AIFM1: variants seen among roughly 807,000 people sequenced by gnomAD.
AIFM1 encodes apoptosis-inducing factor 1, mitochondrial.
A neutral mutation model predicts 51.7 loss-of-function variants in AIFM1; 3 were observed. That is an observed-to-expected ratio of 0.06 (90% CI 0.03 to 0.15). The LOEUF is 0.15. AIFM1 is among the 10% of genes least tolerant of loss of function. The pLI, the probability that AIFM1 is intolerant of heterozygous loss-of-function variation, is 1.00. For missense variants in AIFM1, 330 were observed against 476.8 expected, an observed-to-expected ratio of 0.69 and a Z score of 2.87; for synonymous variants, 178 against 179.4, an observed-to-expected ratio of 0.99 and a Z score of 0.06.
At chrX:130,133,502 A>AT in intron 12 of AIFM1, 47 bp from the exon 13 acceptor site, 1 of 1,167,977 alleles carries the variant, frequency 8.6e-7, no homozygotes, top group Non-Finnish European at 1.2e-6. Flanking sequence ...AAAAAAAAAA[A>AT]GCAAGTTAAA....
At chrX:130,149,660 G>T in intron 2 of AIFM1, 92 bp from the exon 3 acceptor site, 1 of 686,763 alleles carries the variant, frequency 1.5e-6, no homozygotes, top group Non-Finnish European at 2.3e-6. Flanking sequence ...AGAAGCTTTT[G>T]TCTATCTGAT....
At chrX:130,131,647 TCCAAGAG>T in intron 14 of AIFM1, 21 bp downstream of exon 14, 1 of 1,211,182 alleles carries the variant, frequency 8.3e-7, no homozygotes. Flanking sequence ...CTCAACACTC[TCCAAGAG>T]GAGTGCTAGG....
intron 3 of AIFM1, 78 bp downstream of exon 3, chrX:130,149,391 T>C (rs2030877840): frequency 1.2e-6 from 1 of 856,285 alleles, no homozygotes; most frequent in African/African-American, 2.0e-5. Context: ...AAGACATCCA[T>C]AAATCACAGC....
chrX:130,129,931 A>T (rs1192838736), intron 15 of AIFM1, 39 bp downstream of exon 15: 1 of 1,198,098 alleles, frequency 8.3e-7, no homozygotes, highest in Non-Finnish European at 1.1e-6. Context: ...TCTAAGCCGT[A>T]CTTCCCATCT....
At chrX:130,164,545 A>AT (rs935466261) in intron 1 of AIFM1, among the ~76,000 whole-genome samples, 5 of 111,173 alleles carry the variant, frequency 4.5e-5, no homozygotes, top group African/African-American at 6.5e-5. Context: ...AGGATTACTG[A>AT]TTTTTTTTTC....
At chrX:130,142,022 A>G (rs1247238319) in intron 6 of AIFM1, among the ~76,000 whole-genome samples, 1 of 111,750 alleles carries the variant, frequency 8.9e-6, no homozygotes, top group Non-Finnish European at 1.9e-5. Context: ...GGAGTCAGAG[A>G]GAATAGGGCC....
Position 130,157,366 on chromosome X carries a change from G to A in AIFM1, c.107-763C>T, listed in dbSNP as rs1292828581. ...TGTAGATTTCTTTTTCTAGGGAGAC[G>A]CTGACATTTTCAGATAAAGGAAGGT... On this transcript the variant is annotated intron_variant, in intron 1 of 15. Coordinates refer to ENST00000287295, the MANE Select transcript of AIFM1 (RefSeq NM_004208.4). Among the ~76,000 whole-genome samples, 3 of 112,002 alleles carry A rather than the reference G, an allele frequency of 2.7e-5. No individual in the cohort carries two copies. In the East Asian group the frequency reaches 8.4e-4, roughly 31 times the overall value.
chrX:130,158,748 A>G (rs1229987560), intron 1 of AIFM1, among the ~76,000 whole-genome samples: 8 of 107,269 alleles, frequency 7.5e-5, no homozygotes, highest in African/African-American at 2.7e-4. Flanking sequence ...AAAAAATCTC[A>G]TAATGTTTTA....
At chrX:130,133,541 G>A in intron 12 of AIFM1, 86 bp from the exon 13 acceptor site, 1 of 1,089,652 alleles carries the variant, frequency 9.2e-7, no homozygotes. Context: ...GGGGCTCAAA[G>A]AACACTTGTA....
intron 1 of AIFM1, among the ~76,000 whole-genome samples, chrX:130,162,936 TAAATA>T (rs1464671045): frequency 1.8e-5 from 2 of 111,333 alleles, no homozygotes; most frequent in African/African-American, 6.5e-5. Flanking sequence ...AGCATCCAAA[TAAATA>T]AAGTAAATAA....
chrX:130,165,658 T>C lies in AIFM1; in HGVS notation c.-2A>G. The stretch of plus-strand genomic sequence containing the variant: ...CGCCAGGCCTCCACACCGGAACATT[T>C]CGGCGACCGCTATTCGGGACCTCCT... On this transcript the variant is annotated 5_prime_UTR_variant, in exon 1 of 16. Transcript: ENST00000287295. 8.4e-7 allele frequency: 1 copy of C among 1,188,388 alleles called. No homozygotes were observed. The highest frequency in any genetic ancestry group is 1.8e-5 in the South Asian group (1 of 54,227).
chrX:130,158,704 T>TAAAAA (rs56253125), intron 1 of AIFM1, among the ~76,000 whole-genome samples: 4 of 44,076 alleles, frequency 9.1e-5, no homozygotes, highest in African/African-American at 3.6e-4. Context: ...GCTGATGAGC[T>TAAAAA]AAAAAAAAAA....
rs1477894049 is a variant in AIFM1 at position 130,145,514 on chromosome X, C to T, written c.661G>A (p.Glu221Lys). 2 of 1,208,575 alleles carry T rather than the reference C, an allele frequency of 1.7e-6. No individual in the cohort carries two copies. The highest frequency in any genetic ancestry group is 1.8e-5 in the African/African-American group (1 of 57,011). Residue 221 changes from glutamate to lysine, a missense_variant, in exon 6 of 16, where the codon GAG becomes AAG. Glu to Lys is a moderately conservative substitution (Grantham distance 56, BLOSUM62 1). Around this residue, in one of 4 missense-constraint regions of AIFM1, gnomAD observed 152 missense variants for 292.8 expected, o/e 0.52. Coordinates refer to ENST00000287295, the MANE Select transcript of AIFM1 (RefSeq NM_004208.4). ...YVSAQDLPHI[E>K]NGGVAVLTGK... ...GTGAGGACAGCCACACCACCATTCT[C>T]AATATGAGGCAGGTCCTGAGCAGAG...
At chrX:130,155,304 G>C (rs781603915) in intron 2 of AIFM1, 2 of 1,205,730 alleles carry the variant, frequency 1.7e-6, no homozygotes, top group Non-Finnish European at 2.2e-6. Flanking sequence ...TAAAGATAAG[G>C]CCAAGAGAGA....
chrX:130,144,768 C>T (rs1272289882), intron 6 of AIFM1, among the ~76,000 whole-genome samples: 1 of 112,383 alleles, frequency 8.9e-6, no homozygotes, highest in Non-Finnish European at 1.9e-5. Context: ...CCCTAGAGGG[C>T]AGGGCCTGAA....
intron 1 of AIFM1, among the ~76,000 whole-genome samples, chrX:130,163,798 G>A (rs2031432720): frequency 9.0e-6 from 1 of 111,493 alleles, no homozygotes; most frequent in African/African-American, 3.3e-5. Flanking sequence ...TAGAATGCTG[G>A]TAAAAGTTGT....
In AIFM1 at chrX:130,137,180, C is replaced by A. The variant is rs1238848380; in HGVS notation, c.973G>T (p.Ala325Ser). Reference sequence around the variant, plus strand: ...AGTTGAATCACTTCTGTGCCCAAGGCTCGAGCTGGGAAGAAGAAACAGAGT... The same window carrying A: ...AGTTGAATCACTTCTGTGCCCAAGGATCGAGCTGGGAAGAAGAAACAGAGT... ...LACALGRKAR[A>S]LGTEVIQLFP... The change falls in exon 10 of 16, where the codon GCC (alanine) becomes TCC (serine). Residue 325 changes from alanine (A) to serine (S), a missense_variant. Coordinates refer to ENST00000287295, the MANE Select transcript of AIFM1 (RefSeq NM_004208.4). 1 of 1,211,112 alleles carries A rather than the reference C, an allele frequency of 8.3e-7. No individual in the cohort carries two copies. Among genetic ancestry groups the A allele is most frequent in the Admixed American group, 2.2e-5 (1 of 45,980 alleles).
chrX:130,153,805 C>A (rs1170355494), intron 2 of AIFM1, among the ~76,000 whole-genome samples: 1 of 111,728 alleles, frequency 9.0e-6, no homozygotes, highest in East Asian at 2.8e-4. Flanking sequence ...GAAACTGAAC[C>A]CTGTGTGACC....
intron 5 of AIFM1, 106 bp from the exon 6 acceptor site, chrX:130,145,675 T>C (rs1311136019): frequency 8.4e-6 from 5 of 596,205 alleles, no homozygotes; most frequent in Non-Finnish European, 1.1e-5. Context: ...TTAAGGGACG[T>C]TTTCCAAAGT....
Sources: allele counts gnomAD v4.1 joint callset (sites outside exome capture counted in the v4.1 genomes callset), GRCh38; gene constraint gnomAD v4.1.1; regional missense constraint gnomAD v4.1.1; transcripts MANE v1.5; gene names NCBI Gene and HGNC (gene_info 2026-07-23, HGNC 2026-07-21).